DLG2: variants seen among roughly 807,000 people sequenced by gnomAD.
DLG2 encodes the protein discs large MAGUK scaffold protein 2.
A neutral mutation model predicts 132.5 loss-of-function variants in DLG2; 45 were observed. That is an observed-to-expected ratio of 0.34 (90% CI 0.27 to 0.44). The LOEUF is 0.44. Ranked by LOEUF, DLG2 falls within the 20% of genes least tolerant of loss-of-function variation. The pLI is 1.00. For missense variants in DLG2, 1,045 were observed against 1,196.9 expected, an observed-to-expected ratio of 0.87 and a Z score of 1.87; for synonymous variants, 424 against 419.6, an observed-to-expected ratio of 1.01 and a Z score of -0.13.
chr11:84,209,411 A>C (rs1374732572), intron 8 of DLG2, among the ~76,000 whole-genome samples: 3 of 152,160 alleles, frequency 2.0e-5, no homozygotes, highest in Admixed American at 6.5e-5. Flanking sequence ...CCAGAAGAGA[A>C]AGTATACGTT....
intron 3 of DLG2, among the ~76,000 whole-genome samples, chr11:85,529,068 C>T (rs911816484): frequency 5.9e-5 from 9 of 152,144 alleles, no homozygotes; most frequent in African/African-American, 1.4e-4. Context: ...AAGAAAAAGA[C>T]GAATCTACGT....
chr11:85,550,383 G>A lies in DLG2; in HGVS notation c.40+48274C>T, dbSNP rs142656587. ...CCAACTGGACGCTGCCACGGGGCCT[G>A]CATGGAGTTTGTGCTGCCAGCGCGC... On this transcript the variant is annotated intron_variant, in intron 3 of 27. Coordinates refer to ENST00000376104, the MANE Select transcript of DLG2 (RefSeq NM_001142699.3). Among the ~76,000 whole-genome samples, 46 of 152,368 alleles carry A rather than the reference G, an allele frequency of 3.0e-4. 3 individuals are homozygous for A. In the East Asian group the frequency reaches 8.9e-3, roughly 29 times the overall value.
At chr11:84,163,623 C>T in intron 8 of DLG2, 112 bp from the exon 9 acceptor site, 1 of 813,370 alleles carries the variant, frequency 1.2e-6, no homozygotes. Flanking sequence ...TATAAATAAC[C>T]ACATTTTCTT....
chr11:83,775,475 T>C (rs2094544926), intron 18 of DLG2, among the ~76,000 whole-genome samples: 1 of 152,190 alleles, frequency 6.6e-6, no homozygotes. Flanking sequence ...AGTAAGGGAA[T>C]ATAACCTATA....
At chr11:84,612,588 C>T (rs1268562827) in intron 6 of DLG2, among the ~76,000 whole-genome samples, 1 of 152,014 alleles carries the variant, frequency 6.6e-6, no homozygotes, top group East Asian at 1.9e-4. Flanking sequence ...TAAGAAAATA[C>T]ATTAAAGCTA....
chr11:85,245,326 A>C (rs950540121), intron 4 of DLG2, among the ~76,000 whole-genome samples: 1 of 151,978 alleles, frequency 6.6e-6, no homozygotes, highest in African/African-American at 2.4e-5. Context: ...CTCTGCTTAC[A>C]GCCTCCTTCA....
intron 6 of DLG2, chr11:84,545,028 G>C (rs998714440): frequency 1.1e-5 from 5 of 437,194 alleles, no homozygotes; most frequent in African/African-American, 4.1e-5. Context: ...GTAGCAGCTA[G>C]GTGCTGCCAC....
intron 18 of DLG2, among the ~76,000 whole-genome samples, chr11:83,770,467 AT>A (rs1347120646): frequency 1.3e-5 from 2 of 152,094 alleles, no homozygotes; most frequent in Non-Finnish European, 2.9e-5. Context: ...AGGATGAGCA[AT>A]TTGGTGTCAT....
At chr11:84,072,394 T>C (rs1183318487) in intron 10 of DLG2, among the ~76,000 whole-genome samples, 1 of 152,230 alleles carries the variant, frequency 6.6e-6, no homozygotes, top group African/African-American at 2.4e-5. Flanking sequence ...CTGAAGTAGC[T>C]TCACAGTTTA....
At chr11:84,576,918 C>T (rs969610554) in intron 6 of DLG2, among the ~76,000 whole-genome samples, 5 of 152,044 alleles carry the variant, frequency 3.3e-5, no homozygotes, top group African/African-American at 1.2e-4. Context: ...GCTGTGTCTC[C>T]ATCCAAATCT....
At chr11:84,245,922 A>T (rs1250586264) in intron 8 of DLG2, among the ~76,000 whole-genome samples, 2 of 152,232 alleles carry the variant, frequency 1.3e-5, no homozygotes, top group Admixed American at 6.5e-5. Context: ...GAGCTTGGCA[A>T]CATGACTTAT....
At chr11:83,799,075 G>A (rs943751228) in intron 17 of DLG2, among the ~76,000 whole-genome samples, 1 of 152,138 alleles carries the variant, frequency 6.6e-6, no homozygotes. Context: ...ATTTGTTACT[G>A]AACAAGGTGA....
intron 12 of DLG2, among the ~76,000 whole-genome samples, chr11:83,974,957 A>G (rs777948915): frequency 3.3e-5 from 5 of 151,998 alleles, no homozygotes; most frequent in Admixed American, 6.6e-5. Context: ...CTCACTGACA[A>G]TTTTTTCTTC....
intron 9 of DLG2, among the ~76,000 whole-genome samples, chr11:84,109,082 A>G (rs2093169808): frequency 6.6e-6 from 1 of 152,086 alleles, no homozygotes; most frequent in South Asian, 2.1e-4. Context: ...TGTTGGTGTT[A>G]ATGGAGAGAA....
intron 3 of DLG2, among the ~76,000 whole-genome samples, chr11:85,540,543 A>G (rs541443507): frequency 6.6e-6 from 1 of 152,190 alleles, no homozygotes; most frequent in Non-Finnish European, 1.5e-5. Flanking sequence ...TCCAATCAAT[A>G]AAACTTTGCA....
At chr11:84,176,934 C>A (rs1057341121) in intron 8 of DLG2, among the ~76,000 whole-genome samples, 4 of 150,176 alleles carry the variant, frequency 2.7e-5, no homozygotes, top group African/African-American at 7.4e-5. Context: ...CTTTTCTTTT[C>A]TTTTATTTTC....
At chr11:84,664,982 TAGG>T (rs989735360) in intron 6 of DLG2, among the ~76,000 whole-genome samples, 8 of 152,010 alleles carry the variant, frequency 5.3e-5, no homozygotes, top group East Asian at 3.9e-4. Context: ...TTCGTGAAAG[TAGG>T]AGAAGTACCA....
chr11:84,593,005 G>C (rs1168074158), intron 6 of DLG2, among the ~76,000 whole-genome samples: 2 of 128,826 alleles, frequency 1.6e-5, no homozygotes, highest in African/African-American at 5.9e-5. Flanking sequence ...TGTAGTCCCA[G>C]CTCCTCGGGA....
At chr11:84,022,549 G>A (rs577886619) in intron 11 of DLG2, among the ~76,000 whole-genome samples, 48 of 152,108 alleles carry the variant, frequency 3.2e-4, no homozygotes, top group Non-Finnish European at 6.5e-4. Context: ...AGCAGGAGAG[G>A]AAAAACCTCT....
Sources: gnomAD v4.1 joint callset for allele counts (sites outside exome capture counted in the v4.1 genomes callset) on GRCh38, gnomAD v4.1.1 for gene constraint, MANE v1.5 for transcripts, NCBI Gene and HGNC (gene_info 2026-07-23, HGNC 2026-07-21) for gene names.